NRG1: variants seen among roughly 807,000 people sequenced by gnomAD.
NRG1 encodes neuregulin 1.
Under a neutral mutation model 63.8 loss-of-function variants are expected in NRG1, and 18 were observed. That is an observed-to-expected ratio of 0.28 (90% CI 0.19 to 0.42). The LOEUF (loss-of-function observed/expected upper bound fraction) is 0.42. Ranked by LOEUF, NRG1 falls within the 10% of genes least tolerant of loss-of-function variation. NRG1 has a pLI of 1.00. For missense variants in NRG1, 762 were observed against 814.7 expected (o/e 0.94, Z 0.79); for synonymous variants, 302 against 301.3 (o/e 1.00, Z -0.02).
intron 6 of NRG1, among the ~76,000 whole-genome samples, chr8:32,729,515 A>T (rs1249584712): frequency 6.6e-6 from 1 of 152,224 alleles, no homozygotes; most frequent in African/African-American, 2.4e-5. Context: ...TTTGTCACAA[A>T]AACTGTTTTC....
chr8:31,650,165 A>C (rs527889713), intron 1 of NRG1, among the ~76,000 whole-genome samples: 1 of 152,024 alleles, frequency 6.6e-6, no homozygotes, highest in South Asian at 2.1e-4. Context: ...TTTTGTAGAG[A>C]TGGGGTTTTG....
intron 1 of NRG1, among the ~76,000 whole-genome samples, chr8:32,368,497 C>T (rs551860298): frequency 7.2e-5 from 11 of 152,160 alleles, no homozygotes; most frequent in African/African-American, 9.6e-5. Context: ...GGCAGGAGCA[C>T]GCTATGATCA....
At chr8:31,713,570 CTTAAT>C (rs1812043897) in intron 1 of NRG1, among the ~76,000 whole-genome samples, 1 of 152,076 alleles carries the variant, frequency 6.6e-6, no homozygotes, top group African/African-American at 2.4e-5. Flanking sequence ...TCATTTTCTC[CTTAAT>C]TTATTTCCTT....
chr8:32,342,709 G>A (rs956748029), intron 1 of NRG1, among the ~76,000 whole-genome samples: 11 of 152,134 alleles, frequency 7.2e-5, no homozygotes, highest in African/African-American at 2.7e-4. Context: ...AAATATTGGT[G>A]CATATTAGAA....
rs1265530235 is a variant in NRG1 at position 31,675,969 on chromosome 8, A to G, written c.37+36538A>G. 2.0e-5 allele frequency among the ~76,000 whole-genome samples: 3 copies of G among 152,292 alleles called. No homozygotes were observed. The South Asian group carries it at 6.2e-4, about 32-fold the overall frequency. The stretch of plus-strand genomic sequence containing the variant: ...ATTTCTGCAATTTTAAGAAAATCAT[A>G]TATGTCGTGTTATATTAGACCCGTG... On this transcript the variant is annotated intron_variant, in intron 1 of 10. Coordinates refer to the NRG1 transcript ENST00000519301.
chr8:32,433,255 A>G (rs977881349), intron 1 of NRG1, among the ~76,000 whole-genome samples: 1 of 152,122 alleles, frequency 6.6e-6, no homozygotes, highest in African/African-American at 2.4e-5. Context: ...AATGAAAGAG[A>G]AATGCAAGGC....
At chr8:32,035,522 C>T (rs923280298) in intron 1 of NRG1, among the ~76,000 whole-genome samples, 3 of 152,106 alleles carry the variant, frequency 2.0e-5, no homozygotes, top group African/African-American at 4.8e-5. Flanking sequence ...GATGATCTGC[C>T]TAATATTGAC....
At chr8:32,240,019 T>G (rs955188907) in intron 1 of NRG1, among the ~76,000 whole-genome samples, 1 of 152,192 alleles carries the variant, frequency 6.6e-6, no homozygotes, top group African/African-American at 2.4e-5. Flanking sequence ...TAAACATGTA[T>G]TTACCATATG....
At chr8:32,726,333 T>C (rs998557545) in intron 5 of NRG1, among the ~76,000 whole-genome samples, 1 of 152,118 alleles carries the variant, frequency 6.6e-6, no homozygotes, top group Non-Finnish European at 1.5e-5. Context: ...AATTTTTTTT[T>C]GCCAATTCCT....
At chr8:32,717,081 G>A (rs552964667) in intron 5 of NRG1, among the ~76,000 whole-genome samples, 2 of 152,218 alleles carry the variant, frequency 1.3e-5, no homozygotes, top group South Asian at 2.1e-4. Flanking sequence ...TAGGCATAAT[G>A]TAAAGTTAAT....
intron 1 of NRG1, among the ~76,000 whole-genome samples, chr8:32,256,985 A>G (rs1277230074): frequency 6.6e-6 from 1 of 152,180 alleles, no homozygotes; most frequent in Non-Finnish European, 1.5e-5. Flanking sequence ...TGCCCTGCCC[A>G]GAGAGGAGGA....
intron 1 of NRG1, among the ~76,000 whole-genome samples, chr8:31,845,774 C>T (rs1371717539): frequency 6.6e-6 from 1 of 152,128 alleles, no homozygotes; most frequent in Non-Finnish European, 1.5e-5. Context: ...ATTCATGAAG[C>T]AGAAAAGATA....
At chr8:32,434,946 G>A (rs1225396237) in intron 1 of NRG1, among the ~76,000 whole-genome samples, 1 of 152,148 alleles carries the variant, frequency 6.6e-6, no homozygotes, top group Non-Finnish European at 1.5e-5. Context: ...TTATGTCAGG[G>A]AGTTGAGCAT....
chr8:32,685,307 C>T (rs1249990859), intron 5 of NRG1, among the ~76,000 whole-genome samples: 1 of 152,106 alleles, frequency 6.6e-6, no homozygotes, highest in Non-Finnish European at 1.5e-5. Flanking sequence ...GGAGTCACAG[C>T]GTGGTGGGGC....
chr8:32,249,494 C>A (rs1042591140), intron 1 of NRG1, among the ~76,000 whole-genome samples: 1 of 152,058 alleles, frequency 6.6e-6, no homozygotes, highest in African/African-American at 2.4e-5. Flanking sequence ...AACAGAAAAG[C>A]GTAGCAAACC....
downstream of NRG1, among the ~76,000 whole-genome samples, chr8:32,770,051 C>A (rs1437699328): frequency 6.6e-6 from 1 of 152,118 alleles, no homozygotes; most frequent in Non-Finnish European, 1.5e-5. Context: ...CCCAGGATCT[C>A]TTTCTAACCC....
At chr8:32,599,034 C>A (rs906390872) in intron 2 of NRG1, among the ~76,000 whole-genome samples, 1 of 151,970 alleles carries the variant, frequency 6.6e-6, no homozygotes, top group Admixed American at 6.6e-5. Context: ...ATAGGTCTGA[C>A]TCTAAGTCTT....
intron 1 of NRG1, among the ~76,000 whole-genome samples, chr8:31,766,280 G>T (rs1057225460): frequency 6.6e-6 from 1 of 152,128 alleles, no homozygotes; most frequent in Non-Finnish European, 1.5e-5. Context: ...CGTTAAAAAA[G>T]ATCCCCTGAG....
intron 1 of NRG1, among the ~76,000 whole-genome samples, chr8:31,673,968 C>T (rs983566918): frequency 6.6e-6 from 1 of 152,074 alleles, no homozygotes; most frequent in African/African-American, 2.4e-5. Context: ...CTCCTAAATC[C>T]AGTCAATCAA....
Sources: gnomAD v4.1 joint callset for allele counts (sites outside exome capture counted in the v4.1 genomes callset) on GRCh38, gnomAD v4.1.1 for gene constraint, MANE v1.5 for transcripts, NCBI Gene and HGNC (gene_info 2026-07-23, HGNC 2026-07-21) for gene names.